KHDRBS2: variants seen among roughly 807,000 people sequenced by gnomAD.
The protein encoded by KHDRBS2 is KH RNA binding domain containing, signal transduction associated 2.
KHDRBS2 carries 26 observed loss-of-function variants against 44.3 expected under a neutral mutation model. The ratio of observed to expected loss-of-function variants is 0.59; its 90% CI spans 0.43 to 0.81. The LOEUF is 0.81. Ranked by LOEUF, KHDRBS2 falls within the 40% of genes least tolerant of loss-of-function variation. KHDRBS2 has a pLI of 0.00. For missense variants in KHDRBS2, 476 were observed against 433.1 expected, an observed-to-expected ratio of 1.10 and a Z score of -0.88; for synonymous variants, 194 against 151.1, an observed-to-expected ratio of 1.28 and a Z score of -2.08.
intron 4 of KHDRBS2, among the ~76,000 whole-genome samples, chr6:61,940,411 C>T (rs1554282105): frequency 6.6e-6 from 1 of 152,068 alleles, no homozygotes; most frequent in South Asian, 2.1e-4. Context: ...AATCCTCAAT[C>T]CTCGCCGGCC....
intron 6 of KHDRBS2, among the ~76,000 whole-genome samples, chr6:61,800,558 G>A (rs1413362956): frequency 1.3e-5 from 2 of 151,938 alleles, no homozygotes; most frequent in South Asian, 4.1e-4. Flanking sequence ...TATACTAATG[G>A]GGGGAAATCT....
At chr6:61,839,075 C>T (rs1019650329) in intron 6 of KHDRBS2, among the ~76,000 whole-genome samples, 2 of 151,978 alleles carry the variant, frequency 1.3e-5, no homozygotes, top group African/African-American at 2.4e-5. Flanking sequence ...CCCTCTGCTA[C>T]AACTGGATAA....
At chr6:62,128,266 T>C (rs987955967) in intron 2 of KHDRBS2, among the ~76,000 whole-genome samples, 2 of 152,046 alleles carry the variant, frequency 1.3e-5, no homozygotes, top group African/African-American at 2.4e-5. Context: ...TTTCCCACTG[T>C]AAAATGGGGA....
At chr6:61,716,141 C>T (rs1771384276) in intron 7 of KHDRBS2, among the ~76,000 whole-genome samples, 1 of 151,928 alleles carries the variant, frequency 6.6e-6, no homozygotes, top group Non-Finnish European at 1.5e-5. Flanking sequence ...TTTCGGGATA[C>T]TCATATCTGG....
At chr6:61,892,886 G>A (rs1204345060) in intron 6 of KHDRBS2, among the ~76,000 whole-genome samples, 1 of 152,052 alleles carries the variant, frequency 6.6e-6, no homozygotes, top group African/African-American at 2.4e-5. Flanking sequence ...GGCAACAAAA[G>A]CCAAAATTGA....
intron 6 of KHDRBS2, among the ~76,000 whole-genome samples, chr6:61,737,539 T>C (rs1351858353): frequency 2.6e-5 from 4 of 152,102 alleles, no homozygotes; most frequent in Non-Finnish European, 1.5e-5. Context: ...GCATCCTACA[T>C]GTTAAAAACA....
intron 3 of KHDRBS2, among the ~76,000 whole-genome samples, chr6:62,019,509 T>C (rs1276616638): frequency 1.3e-5 from 2 of 152,088 alleles, no homozygotes; most frequent in African/African-American, 4.8e-5. Context: ...TGGTATATCT[T>C]GTGTAGAATT....
At chr6:61,779,279 A>G (rs1434816159) in intron 6 of KHDRBS2, among the ~76,000 whole-genome samples, 1 of 152,162 alleles carries the variant, frequency 6.6e-6, no homozygotes, top group Non-Finnish European at 1.5e-5. Context: ...TAACTCAGAA[A>G]TATCCTCCCA....
intron 2 of KHDRBS2, among the ~76,000 whole-genome samples, chr6:62,084,722 G>C (rs1798086347): frequency 6.6e-6 from 1 of 152,054 alleles, no homozygotes; most frequent in Admixed American, 6.6e-5. Flanking sequence ...TCTGTAAATA[G>C]ACTTAATGAA....
At chr6:62,212,882 G>A (rs1829315314) in intron 1 of KHDRBS2, among the ~76,000 whole-genome samples, 1 of 152,068 alleles carries the variant, frequency 6.6e-6, no homozygotes, top group African/African-American at 2.4e-5. Flanking sequence ...CAGGAAGACT[G>A]GATGGGGGAG....
At chr6:62,181,035 A>G (rs1243183094) in intron 1 of KHDRBS2, among the ~76,000 whole-genome samples, 1 of 151,848 alleles carries the variant, frequency 6.6e-6, no homozygotes, top group Non-Finnish European at 1.5e-5. Context: ...ACAAAAAAAA[A>G]AAAAATCAAC....
At chr6:61,713,341 A>T (rs1003813937) in intron 7 of KHDRBS2, among the ~76,000 whole-genome samples, 12 of 151,736 alleles carry the variant, frequency 7.9e-5, no homozygotes, top group Non-Finnish European at 1.3e-4. Flanking sequence ...AATTATAAAA[A>T]ATAAATAATA....
intron 2 of KHDRBS2, among the ~76,000 whole-genome samples, chr6:62,051,684 C>T (rs1789084952): frequency 6.6e-6 from 1 of 151,892 alleles, no homozygotes. Flanking sequence ...GAAACAATCG[C>T]CAAACTGGAA....
chr6:61,979,562 AT>A (rs1291738258), intron 3 of KHDRBS2, among the ~76,000 whole-genome samples: 2 of 152,162 alleles, frequency 1.3e-5, no homozygotes, highest in Non-Finnish European at 2.9e-5. Flanking sequence ...ATGGGAAGGC[AT>A]CCCTGCGTTC....
chr6:62,211,550 A>G (rs1829044902), intron 1 of KHDRBS2, among the ~76,000 whole-genome samples: 1 of 152,132 alleles, frequency 6.6e-6, no homozygotes, highest in African/African-American at 2.4e-5. Flanking sequence ...GAGATACTAA[A>G]CTCTAGACTA....
At position 62,136,993 on chromosome 6, in the gene KHDRBS2, CTTTTTTTTTTTTTTT is replaced by C. The variant is rs141092447; in HGVS notation, c.219+40177_219+40191del. 1.0e-4 allele frequency among the ~76,000 whole-genome samples: 8 copies of C among 78,312 alleles called. No individual in the cohort carries two copies. In the South Asian group the frequency reaches 3.4e-3, roughly 33 times the overall value. 51.4% of individuals were successfully genotyped at this position (78,312 alleles called of 152,430 possible). On this transcript the variant is annotated intron_variant, in intron 2 of 8. Transcript: ENST00000281156. Reference sequence around the variant, plus strand: ...ACTGACTTTCAGCTTTCTTTCTTTTCTTTTTTTTTTTTTTTTTTTTTTTTTGAGACGGAGTCTCCC... The same window carrying C: ...ACTGACTTTCAGCTTTCTTTCTTTTCTTTTTTTTTTGAGACGGAGTCTCCC...
chr6:61,722,498 C>T (rs1175026298), intron 7 of KHDRBS2, among the ~76,000 whole-genome samples: 1 of 152,080 alleles, frequency 6.6e-6, no homozygotes, highest in African/African-American at 2.4e-5. Context: ...TTTATAATCT[C>T]ACAAATTCTA....
the KHDRBS2 span, among the ~76,000 whole-genome samples, chr6:61,635,391 A>G: frequency 6.6e-6 from 1 of 151,910 alleles, no homozygotes; most frequent in South Asian, 2.1e-4. Context: ...TAATTTTAAA[A>G]CCGTAATGTC....
chr6:62,050,735 G>C (rs1788830036), intron 2 of KHDRBS2, among the ~76,000 whole-genome samples: 1 of 152,042 alleles, frequency 6.6e-6, no homozygotes, highest in African/African-American at 2.4e-5. Flanking sequence ...AAGACTGGCA[G>C]TTATTTATAA....
Sources: gnomAD v4.1 joint callset for allele counts (sites outside exome capture counted in the v4.1 genomes callset) on GRCh38, gnomAD v4.1.1 for gene constraint, MANE v1.5 for transcripts, NCBI Gene and HGNC (gene_info 2026-07-23, HGNC 2026-07-21) for gene names.